GRM3: variants seen among roughly 807,000 people sequenced by gnomAD.
GRM3 encodes the protein metabotropic glutamate receptor 3.
In GRM3, 26 loss-of-function variants were observed where a neutral mutation model predicts 70.5. The ratio of observed to expected loss-of-function variants is 0.37; its 90% CI spans 0.27 to 0.51. GRM3 has a LOEUF of 0.51. GRM3 is among the 20% of genes least tolerant of loss of function. The pLI, the probability that GRM3 is intolerant of heterozygous loss-of-function variation, is 0.93. For synonymous variants in GRM3, 443 were observed against 434.9 expected, an observed-to-expected ratio of 1.02 and a Z score of -0.23; for missense variants, 859 against 1,123.8, an observed-to-expected ratio of 0.76 and a Z score of 3.37.
rs1424545744 is a variant in GRM3, at chr7:86,786,891, C to G, written c.1099C>G (p.Arg367Gly). The G allele has an allele frequency of 6.2e-7, 1 of 1,614,210 alleles. No homozygotes were observed. The highest frequency in any genetic ancestry group is 8.5e-7 in the Non-Finnish European group (1 of 1,180,024). The change falls in exon 3 of 6, where the codon CGC becomes GGC. Residue 367 changes from arginine to glycine, a missense_variant. Coordinates refer to ENST00000361669, the MANE Select transcript of GRM3 (RefSeq NM_000840.3). This position sits in a 1 kb window ranked among gnomAD's most constrained non-coding sequence, Gnocchi z 6.0. ...QKFQCSLQNK[R>G]NHRRVCDKHL... ...GTTTCAGTGCAGCCTCCAGAACAAA[C>G]GCAACCACAGGCGCGTCTGCGACAA...
chr7:86,814,372 G>A (rs994455111), intron 3 of GRM3, among the ~76,000 whole-genome samples: 3 of 151,444 alleles, frequency 2.0e-5, no homozygotes, highest in East Asian at 1.9e-4. Flanking sequence ...TTTATCTCTC[G>A]CCCTCTCCCA....
chr7:86,801,531 C>T (rs928537107), intron 3 of GRM3, among the ~76,000 whole-genome samples: 4 of 152,108 alleles, frequency 2.6e-5, no homozygotes, highest in African/African-American at 7.2e-5. Flanking sequence ...CAACACAATG[C>T]TATAATTATG....
intron 4 of GRM3, among the ~76,000 whole-genome samples, chr7:86,841,480 A>T (rs1368710982): frequency 6.6e-6 from 1 of 152,164 alleles, no homozygotes; most frequent in African/African-American, 2.4e-5. Context: ...TAGTTAATGT[A>T]TTGTAATGCC....
At chr7:86,863,146 G>A (rs547310190) in intron 5 of GRM3, among the ~76,000 whole-genome samples, 2 of 152,262 alleles carry the variant, frequency 1.3e-5, no homozygotes, top group East Asian at 1.9e-4. Flanking sequence ...TCAGTCCATA[G>A]AGAATGGGGC....
chr7:86,807,423 A>G (rs1176072057), intron 3 of GRM3, among the ~76,000 whole-genome samples: 1 of 148,856 alleles, frequency 6.7e-6, no homozygotes, highest in East Asian at 1.9e-4. Flanking sequence ...TATTTTGTTG[A>G]GCAGTGGTTT....
chr7:86,694,189 C>A (rs1248511899), intron 1 of GRM3, among the ~76,000 whole-genome samples: 2 of 151,990 alleles, frequency 1.3e-5, no homozygotes, highest in Non-Finnish European at 2.9e-5. Flanking sequence ...AACAACTGAC[C>A]AAATAACTCA....
At chr7:86,847,260 C>T (rs115426090) in intron 4 of GRM3, among the ~76,000 whole-genome samples, 2,088 of 152,226 alleles carry the variant, frequency 0.014, 48 homozygotes, top group African/African-American at 0.048. Context: ...ACATGAGAGG[C>T]TCATGTAGAA....
At chr7:86,757,777 G>GTT in intron 1 of GRM3, among the ~76,000 whole-genome samples, 1 of 151,144 alleles carries the variant, frequency 6.6e-6, no homozygotes, top group South Asian at 2.1e-4. Flanking sequence ...TCCCTCATGT[G>GTT]TTTTTTTTTC....
chr7:86,857,361 A>C (rs918702915), intron 5 of GRM3, among the ~76,000 whole-genome samples: 2 of 152,156 alleles, frequency 1.3e-5, no homozygotes, highest in South Asian at 4.1e-4. Flanking sequence ...TTATAAGGAT[A>C]TTTACTCTTT....
intron 1 of GRM3, among the ~76,000 whole-genome samples, chr7:86,756,672 A>AACT (rs761229267): frequency 2.0e-5 from 3 of 152,128 alleles, no homozygotes; most frequent in African/African-American, 4.8e-5. Flanking sequence ...GCTATGATTT[A>AACT]ACTACATATG....
In GRM3 at chr7:86,644,536, T is replaced by C. The variant is rs921675223; in HGVS notation, c.-477T>C. ...CCGCGGAAGACCACTGGGTCCCCTC[T>C]TTCCCCAACCTCCTCCCTCTCTTCT... On this transcript the variant is annotated 5_prime_UTR_variant, in exon 1 of 6. Transcript: ENST00000361669. 2 of 372,238 alleles carry C rather than the reference T, an allele frequency of 5.4e-6. No individual in the cohort carries two copies. Among genetic ancestry groups the C allele is most frequent in the Admixed American group, 3.3e-5 (1 of 30,554 alleles). 23.1% of individuals were successfully genotyped at this position (372,238 alleles called of 1,614,324 possible).
At chr7:86,697,441 C>A (rs1794844972) in intron 1 of GRM3, among the ~76,000 whole-genome samples, 3 of 152,068 alleles carry the variant, frequency 2.0e-5, no homozygotes, top group Admixed American at 2.0e-4. Context: ...ACTTAACTGT[C>A]AGGGAGTGTT....
chr7:86,675,556 G>T (rs1412466492), intron 1 of GRM3, among the ~76,000 whole-genome samples: 1 of 151,964 alleles, frequency 6.6e-6, no homozygotes, highest in Non-Finnish European at 1.5e-5. Context: ...AGCCAGATCT[G>T]GACTTAACAT....
At chr7:86,716,595 G>A (rs1366901680) in intron 1 of GRM3, among the ~76,000 whole-genome samples, 1 of 151,516 alleles carries the variant, frequency 6.6e-6, no homozygotes, top group African/African-American at 2.4e-5. Flanking sequence ...GAGCACATAT[G>A]CAGGTATCTG....
intron 1 of GRM3, among the ~76,000 whole-genome samples, chr7:86,645,925 C>T (rs934462475): frequency 4.4e-5 from 6 of 135,530 alleles, no homozygotes; most frequent in Non-Finnish European, 6.1e-5. Flanking sequence ...CTTAGAGTTT[C>T]TTTGCTTGAA....
intron 3 of GRM3, among the ~76,000 whole-genome samples, chr7:86,834,335 C>T (rs966407688): frequency 6.6e-6 from 1 of 152,102 alleles, no homozygotes; most frequent in Non-Finnish European, 1.5e-5. Context: ...TAATTCTTTT[C>T]CTGTTGTATT....
intron 1 of GRM3, among the ~76,000 whole-genome samples, chr7:86,732,678 G>T (rs1490796335): frequency 6.6e-6 from 1 of 152,162 alleles, no homozygotes; most frequent in African/African-American, 2.4e-5. Context: ...GGAACGTAAG[G>T]CTTAAAAAGA....
intron 3 of GRM3, among the ~76,000 whole-genome samples, chr7:86,792,051 G>A (rs1314222425): frequency 6.6e-6 from 1 of 152,164 alleles, no homozygotes; most frequent in Non-Finnish European, 1.5e-5. Flanking sequence ...GTAAAAGAAA[G>A]CTTAAACTAT....
intron 1 of GRM3, among the ~76,000 whole-genome samples, chr7:86,719,931 A>G (rs751866174): frequency 6.6e-6 from 1 of 152,054 alleles, no homozygotes; most frequent in Non-Finnish European, 1.5e-5. Context: ...AATAAAGAAT[A>G]TGGTGGCTGT....
Sources: gnomAD v4.1 joint callset for allele counts (sites outside exome capture counted in the v4.1 genomes callset) on GRCh38, gnomAD v4.1.1 for gene constraint, Gnocchi (gnomAD v3.1) non-coding constraint, MANE v1.5 for transcripts, NCBI Gene and HGNC (gene_info 2026-07-23, HGNC 2026-07-21) for gene names.